GMIP: variants seen among roughly 807,000 people sequenced by gnomAD.
The protein encoded by GMIP is GEM-interacting protein.
Under a neutral mutation model 105.3 loss-of-function variants are expected in GMIP, and 54 were observed. That is an observed-to-expected ratio of 0.51 (90% CI 0.41 to 0.64). The LOEUF is 0.64. Among genes scored for constraint, GMIP ranks in the 30% least tolerant of loss-of-function variants. GMIP has a pLI of 0.00. For missense variants in GMIP, 1,110 were observed against 1,319.4 expected, an observed-to-expected ratio of 0.84 and a Z score of 2.46; for synonymous variants, 541 against 560.8, an observed-to-expected ratio of 0.96 and a Z score of 0.50.
chr19:19,637,776 A>G lies in GMIP; in HGVS notation c.927+144T>C. The stretch of plus-strand genomic sequence containing the variant: ...CAGGACCTCATGGGGCGGAGCCGAG[A>G]CAGTGGGTCTGGGGGCGGGAACTGG... On this transcript the variant is annotated intron_variant, in intron 10 of 20. Coordinates refer to ENST00000203556, the MANE Select transcript of GMIP (RefSeq NM_016573.4). This position sits in a 1 kb window ranked among gnomAD's most constrained non-coding sequence, Gnocchi z 6.7. 1.1e-6 allele frequency: 1 copy of G among 944,916 alleles called. No homozygotes were observed. The highest frequency in any genetic ancestry group is 1.6e-6 in the Non-Finnish European group (1 of 637,420). The allele number at this position is 944,916 out of a possible 1,614,324, so 58.5% of individuals were successfully genotyped here.
Position 19,630,678 on chromosome 19 carries a change from G to A in GMIP, c.2473-141C>T. 5.7e-6 allele frequency: 4 copies of A among 700,994 alleles called. No homozygotes were observed. The South Asian group carries it at 7.1e-5, about 12-fold the overall frequency. The allele number at this position is 700,994 out of a possible 1,614,324, so 43.4% of individuals were successfully genotyped here. A position where few individuals can be genotyped will look rare whatever the true frequency, so the allele number is the denominator to read the frequency against. On this transcript the variant is annotated intron_variant, in intron 19 of 20. Transcript: ENST00000203556. The surrounding 1 kb of genome is among the most constrained non-coding windows in gnomAD (Gnocchi z 4.8). ...CCTGAGGTAGGAGCATGCCTGGTAT[G>A]TTAGGACGCAGCCCCACCCTGTAAT...
chr19:19,634,207 G>C lies in GMIP; in HGVS notation c.2085-17C>G. On this transcript the variant is annotated splice_polypyrimidine_tract_variant and intron_variant, in intron 18 of 20. Transcript: ENST00000203556. The surrounding 1 kb of genome is among the most constrained non-coding windows in gnomAD (Gnocchi z 6.1). ...GCAGCCACCCTGGGGATGGTGTGAA[G>C]AGAAAGGTCAGGGTACAGGATGCAA... 6.4e-7 allele frequency: 1 copy of C among 1,574,248 alleles called. No homozygotes were observed. The highest frequency in any genetic ancestry group is 8.6e-7 in the Non-Finnish European group (1 of 1,159,356).
rs373648012 is a variant in GMIP at position 19,634,531 on chromosome 19, C to T, written c.2060G>A (p.Arg687Gln). 6 of 1,611,932 alleles carry T rather than the reference C, an allele frequency of 3.7e-6. No individual in the cohort carries two copies. Among genetic ancestry groups the T allele is most frequent in the Middle Eastern group, 1.7e-4 (1 of 6,056 alleles). Residue 687 changes from arginine (R) to glutamine (Q), a missense_variant, in exon 18 of 21, where the codon CGG becomes CAG. Physicochemically the swap from Arg to Gln is conservative, Grantham distance 43. Transcript: ENST00000203556. The surrounding 1 kb of genome is among the most constrained non-coding windows in gnomAD (Gnocchi z 6.1). ...QLPDSNYNTL[R>Q]HLVAHLFRVA... is the part of the protein sequence containing the mutation. ...CCTGAACAGATGGGCCACCAGGTGCCGCAGGGTGTTGTAGTTAGAGTCAGG... is the reference window on the plus strand; with the variant it reads ...CCTGAACAGATGGGCCACCAGGTGCTGCAGGGTGTTGTAGTTAGAGTCAGG...
Position 19,643,491 on chromosome 19 carries a change from C to T in GMIP, c.19+20G>A. ...AGGGGATGGTCGGGGGAGGCCCCTCCCGGATCCCCGACCCCCTACCCGGCT... is the reference window on the plus strand; with the variant it reads ...AGGGGATGGTCGGGGGAGGCCCCTCTCGGATCCCCGACCCCCTACCCGGCT... On this transcript the variant is annotated intron_variant, in intron 1 of 20. Coordinates refer to ENST00000203556, the MANE Select transcript of GMIP (RefSeq NM_016573.4). The T allele has an allele frequency of 6.5e-7, 1 of 1,544,426 alleles. No homozygotes were observed. Among genetic ancestry groups the T allele is most frequent in the Non-Finnish European group, 8.8e-7 (1 of 1,142,410 alleles).
chr19:19,639,977 T>G, intron 7 of GMIP, 108 bp downstream of exon 7: 3 of 640,392 alleles, frequency 4.7e-6, no homozygotes, highest in Non-Finnish European at 5.7e-6. Context: ...AATGGCGACG[T>G]TGGTAGTGGT....
At chr19:19,631,706 G>A (rs749780547) in intron 19 of GMIP, among the ~76,000 whole-genome samples, 8 of 152,218 alleles carry the variant, frequency 5.3e-5, no homozygotes, top group African/African-American at 1.2e-4. Flanking sequence ...TACGCCAGGC[G>A]GCCGGGTGCA....
chr19:19,643,600 C>T lies in GMIP; in HGVS notation c.-71G>A. ...GTCGCGCGCCGGCGGGGCCGAGCCC[C>T]GATTTCCTGCCGCCGCAGCCGCCGC... On this transcript the variant is annotated 5_prime_UTR_variant, in exon 1 of 21. Coordinates refer to ENST00000203556, the MANE Select transcript of GMIP (RefSeq NM_016573.4). 1 of 1,366,296 alleles carries T rather than the reference C, an allele frequency of 7.3e-7. No individual in the cohort carries two copies. The highest frequency in any genetic ancestry group is 2.8e-5 in the East Asian group (1 of 35,902). 84.6% of individuals were successfully genotyped at this position (1,366,296 alleles called of 1,614,324 possible).
chr19:19,636,672 G>A (rs751223881), intron 13 of GMIP, 35 bp downstream of exon 13: 3 of 1,465,832 alleles, frequency 2.0e-6, no homozygotes, highest in Non-Finnish European at 2.9e-6. Context: ...ATGGTCACAG[G>A]TGGAGTGTGG....
rs375003611 is a variant in GMIP, at chr19:19,637,025, G to T, written c.1129C>A (p.Pro377Thr). The change falls in exon 12 of 21, where the codon CCT becomes ACT. Residue 377 changes from proline (P) to threonine (T), a missense_variant. Coordinates refer to ENST00000203556, the MANE Select transcript of GMIP (RefSeq NM_016573.4). This position sits in a 1 kb window ranked among gnomAD's most constrained non-coding sequence, Gnocchi z 6.7. ...GAGAGCTTCTTTCTGATGTCCAGAG[G>T]GGAGCTGAGAAGACAGAAGTTTGAA... is the stretch of plus-strand genomic sequence containing the variant. ...QEFLPSLNSS[P>T]LDIRKKLSGP... is the part of the protein sequence containing the mutation. The T allele has an allele frequency of 2.3e-5, 36 of 1,560,382 alleles. No homozygotes were observed. Among genetic ancestry groups the T allele is most frequent in the Non-Finnish European group, 3.0e-5 (34 of 1,149,152 alleles).
rs1402541701 is a variant in GMIP, at chr19:19,630,001, G to A, written c.2875C>T (p.Pro959Ser). The stretch of plus-strand genomic sequence containing the variant: ...TCGGCTTCCTCAGGCTGGACGTCCG[G>A]GCAGCAGGTGGCCCTGGGCACAGCC... The part of the protein sequence containing the change: ...SEAVPRATCC[P>S]DVQPEEAEDH... Residue 959 changes from proline (P) to serine (S), a missense_variant, in exon 21 of 21, where the codon CCG becomes TCG. By Grantham distance (74) the Pro-to-Ser change is moderately conservative (BLOSUM62 -1). This residue lies in a region of GMIP where 394 missense variants were observed against 450.5 expected (regional missense o/e 0.87). Coordinates refer to ENST00000203556, the MANE Select transcript of GMIP (RefSeq NM_016573.4). This position sits in a 1 kb window ranked among gnomAD's most constrained non-coding sequence, Gnocchi z 4.8. 2.5e-6 allele frequency: 4 copies of A among 1,608,634 alleles called. No homozygotes were observed. The highest frequency in any genetic ancestry group is 2.2e-5 in the South Asian group (2 of 89,970).
At position 19,640,477 on chromosome 19, in the gene GMIP, C is replaced by T. The variant is rs924224691; in HGVS notation, c.333G>A (p.Leu111=). Residue 111 remains leucine (L), a synonymous_variant, in exon 5 of 21, where the codon CTG becomes CTA. Transcript: ENST00000203556. ...AKTWSRYAKE[L]LAWTEKRASY... The stretch of plus-strand genomic sequence containing the variant: ...TGGCTCTCTTTTCAGTCCAGGCAAG[C>T]AGTTCCTTGGCATAGCGGCTCCAGG... The T allele has an allele frequency of 4.3e-6, 7 of 1,613,980 alleles. No individual in the cohort carries two copies. The highest frequency in any genetic ancestry group is 3.3e-4 in the Middle Eastern group (2 of 6,084).
Position 19,634,773 on chromosome 19 carries a change from C to T in GMIP, c.1887+19G>A, listed in dbSNP as rs771164012. ...GGAGGGCTCCTGCCCGCGTCCCCCT[C>T]AGTGTCCTGAGCACCAACCTCCTGA... On this transcript the variant is annotated intron_variant, in intron 17 of 20. Transcript: ENST00000203556. This position sits in a 1 kb window ranked among gnomAD's most constrained non-coding sequence, Gnocchi z 6.1. 2 of 1,613,396 alleles carry T rather than the reference C, an allele frequency of 1.2e-6. No homozygotes were observed. The highest frequency in any genetic ancestry group is 1.7e-6 in the Non-Finnish European group (2 of 1,179,738).
rs141644834 is a variant in GMIP at position 19,640,535 on chromosome 19, C to T, written c.275G>A (p.Gly92Glu). 1,740 of 1,613,972 alleles carry T rather than the reference C, an allele frequency of 1.1e-3. 2 individuals carry two copies. Among genetic ancestry groups the T allele is most frequent in the Non-Finnish European group, 1.3e-3 (1,568 of 1,179,968 alleles). Residue 92 changes from glycine (G) to glutamate (E), a missense_variant, in exon 5 of 21, where the codon GGG becomes GAG. By Grantham distance (98) the Gly-to-Glu change is moderately conservative. Around this residue, in one of 3 missense-constraint regions of GMIP, gnomAD observed 667 missense variants for 773.2 expected, o/e 0.86. Transcript: ENST00000203556. ...ELDLRLIRTK[G>E]GVDAALEYAK... ...ATATTCCAGGGCTGCGTCCACACCC[C>T]CCTTTGTCCGAATGAGCCGCAAGTC...
chr19:19,638,142 CG>C lies in GMIP; in HGVS notation c.789+16del. 6.4e-7 allele frequency: 1 copy of C among 1,573,884 alleles called. No individual in the cohort carries two copies. Among genetic ancestry groups the C allele is most frequent in the Non-Finnish European group, 8.6e-7 (1 of 1,168,446 alleles). On this transcript the variant is annotated intron_variant, in intron 9 of 20. Transcript: ENST00000203556. ...GGGGCGCCACAGCGCTACAGGGGCT[CG>C]GGGCCGGGTGCCCACCTTGGCCTGG... is the stretch of plus-strand genomic sequence containing the variant.
Position 19,634,019 on chromosome 19 carries a change from G to A in GMIP, c.2256C>T (p.His752=). 6.2e-7 allele frequency: 1 copy of A among 1,613,056 alleles called. No homozygotes were observed. Residue 752 remains histidine, a synonymous_variant, in exon 19 of 21, where the codon CAC becomes CAT. Transcript: ENST00000203556. The surrounding 1 kb of genome is among the most constrained non-coding windows in gnomAD (Gnocchi z 6.1). ...CATCCATCCCAAAGATCTGCTCGTA[G>A]TGCACGATGAGGAACTCCACAAGCT... ...QAQLVEFLIV[H]YEQIFGMDEL... is the part of the protein sequence containing the mutation.
chr19:19,634,568 A>G lies in GMIP; in HGVS notation c.2023T>C (p.Leu675=). The part of the protein sequence containing the change: ...PEVIRSLKTL[L]VQLPDSNYNT... ...TAGTTAGAGTCAGGCAGCTGTACCA[A>G]GAGGGTCTTCAGCGAGCGGATAACC... The change falls in exon 18 of 21, where the codon TTG becomes CTG. Residue 675 remains leucine (L), a synonymous_variant. Coordinates refer to ENST00000203556, the MANE Select transcript of GMIP (RefSeq NM_016573.4). The surrounding 1 kb of genome is among the most constrained non-coding windows in gnomAD (Gnocchi z 6.1). 1.2e-6 allele frequency: 2 copies of G among 1,613,636 alleles called. No individual in the cohort carries two copies. Among genetic ancestry groups the G allele is most frequent in the East Asian group, 4.5e-5 (2 of 44,872 alleles).
chr19:19,641,111 C>T (rs1353629802), intron 4 of GMIP, among the ~76,000 whole-genome samples: 1 of 150,672 alleles, frequency 6.6e-6, no homozygotes, highest in Non-Finnish European at 1.5e-5. Context: ...GGCGGAGTCT[C>T]GCTCTGTCGC....
chr19:19,643,624 G>A lies in GMIP; in HGVS notation c.-95C>T, dbSNP rs2144884437. 6.2e-6 allele frequency: 7 copies of A among 1,125,734 alleles called. No homozygotes were observed. Among genetic ancestry groups the A allele is most frequent in the Non-Finnish European group, 7.5e-6 (6 of 796,812 alleles). The allele number at this position is 1,125,734 out of a possible 1,614,324, so 69.7% of individuals were successfully genotyped here. A position where few individuals can be genotyped will look rare whatever the true frequency, so the allele number is the denominator to read the frequency against. On this transcript the variant is annotated 5_prime_UTR_variant, in exon 1 of 21. Transcript: ENST00000203556. ...CCGATTTCCTGCCGCCGCAGCCGCC[G>A]CCGCCGCCTCGGTTCCGCGTCGCCC...
At chr19:19,640,739 T>A (rs1200094320) in intron 4 of GMIP, among the ~76,000 whole-genome samples, 168 bp from the exon 5 acceptor site, 1 of 152,100 alleles carries the variant, frequency 6.6e-6, no homozygotes, top group African/African-American at 2.4e-5. Context: ...CACTGTTTTT[T>A]GTTTTTTATT....
Sources: gnomAD v4.1 joint callset for allele counts (sites outside exome capture counted in the v4.1 genomes callset) on GRCh38, gnomAD v4.1.1 for gene constraint, gnomAD v4.1.1 regional missense constraint, Gnocchi (gnomAD v3.1) non-coding constraint, MANE v1.5 for transcripts, NCBI Gene and HGNC (gene_info 2026-07-23, HGNC 2026-07-21) for gene names.